Variants in ST6GALNAC3 observed in about 807,000 individuals in gnomAD.
The protein encoded by ST6GALNAC3 is ST6 N-acetylgalactosaminide alpha-2,6-sialyltransferase 3.
Under a neutral mutation model 32.7 loss-of-function variants are expected in ST6GALNAC3, and 25 were observed. That is an observed-to-expected ratio of 0.76 (90% CI 0.56 to 1.07). The LOEUF (loss-of-function observed/expected upper bound fraction) is 1.07, where lower values mean the gene tolerates loss of function less well. Ranked by LOEUF, ST6GALNAC3 falls within the 50% of genes least tolerant of loss-of-function variation. The pLI is 0.00. For missense variants in ST6GALNAC3, 355 were observed against 382.4 expected (o/e 0.93, Z 0.60); for synonymous variants, 129 against 133.1 (o/e 0.97, Z 0.21).
chr1:76,460,141 C>A (rs1658180788), intron 3 of ST6GALNAC3, among the ~76,000 whole-genome samples: 1 of 151,990 alleles, frequency 6.6e-6, no homozygotes, highest in Non-Finnish European at 1.5e-5. Context: ...TCTTGCCAAC[C>A]CTTGTTATTT....
chr1:76,137,389 C>G (rs1650011467), intron 1 of ST6GALNAC3, among the ~76,000 whole-genome samples: 1 of 152,154 alleles, frequency 6.6e-6, no homozygotes, highest in Non-Finnish European at 1.5e-5. Context: ...TTAATTTGCC[C>G]TAAGTAGACA....
intron 3 of ST6GALNAC3, among the ~76,000 whole-genome samples, chr1:76,442,597 A>G (rs1463996038): frequency 6.6e-6 from 1 of 152,178 alleles, no homozygotes; most frequent in African/African-American, 2.4e-5. Context: ...TTCTCAATCA[A>G]CCAAGAACAC....
At chr1:76,408,861 C>T (rs12033631) in intron 2 of ST6GALNAC3, among the ~76,000 whole-genome samples, 27,430 of 151,904 alleles carry the variant, frequency 0.18, 3,141 homozygotes, top group East Asian at 0.55. Flanking sequence ...GGAATGTAAC[C>T]CCCCGCACCA....
At chr1:76,408,244 A>G (rs1194920263) in intron 2 of ST6GALNAC3, among the ~76,000 whole-genome samples, 1 of 152,042 alleles carries the variant, frequency 6.6e-6, no homozygotes, top group Non-Finnish European at 1.5e-5. Flanking sequence ...AGCAATTATC[A>G]TGTTCATCCA....
chr1:76,077,090 T>G (rs1022890250), intron 1 of ST6GALNAC3, among the ~76,000 whole-genome samples: 4 of 152,202 alleles, frequency 2.6e-5, no homozygotes, highest in African/African-American at 4.8e-5. Context: ...CATGGAGCAG[T>G]GCAGAATACA....
chr1:76,391,057 A>G (rs1652503567), intron 2 of ST6GALNAC3, among the ~76,000 whole-genome samples: 1 of 150,950 alleles, frequency 6.6e-6, no homozygotes, highest in Admixed American at 6.6e-5. Context: ...CTCCTGCCTC[A>G]GCCTCCCGAG....
chr1:76,548,562 G>T (rs188655780), intron 3 of ST6GALNAC3, among the ~76,000 whole-genome samples: 10 of 152,220 alleles, frequency 6.6e-5, no homozygotes, highest in African/African-American at 2.4e-4. Context: ...TCTTTCTTAC[G>T]TGAGGCGTTG....
At chr1:76,388,129 A>T (rs1410310194) in intron 2 of ST6GALNAC3, among the ~76,000 whole-genome samples, 1 of 152,128 alleles carries the variant, frequency 6.6e-6, no homozygotes, top group Non-Finnish European at 1.5e-5. Flanking sequence ...TAAAAAAAAA[A>T]ATGTCATGGG....
At chr1:76,116,444 T>TTAC (rs1648483361) in intron 1 of ST6GALNAC3, among the ~76,000 whole-genome samples, 2 of 152,124 alleles carry the variant, frequency 1.3e-5, no homozygotes, top group Non-Finnish European at 2.9e-5. Context: ...AGCTCCATGG[T>TTAC]TACCATGGAG....
chr1:76,404,177 C>T (rs1653641103), intron 2 of ST6GALNAC3, among the ~76,000 whole-genome samples: 1 of 152,062 alleles, frequency 6.6e-6, no homozygotes, highest in African/African-American at 2.4e-5. Context: ...AATGCCACAT[C>T]CCAAATCCAC....
intron 1 of ST6GALNAC3, among the ~76,000 whole-genome samples, chr1:76,159,154 T>G (rs750232609): frequency 6.6e-6 from 1 of 152,098 alleles, no homozygotes; most frequent in Admixed American, 6.5e-5. Context: ...GGGAGTTAAG[T>G]TGGGAATGTT....
At chr1:76,526,753 C>T (rs1476851772) in intron 3 of ST6GALNAC3, among the ~76,000 whole-genome samples, 3 of 152,046 alleles carry the variant, frequency 2.0e-5, no homozygotes, top group Non-Finnish European at 2.9e-5. Flanking sequence ...GCAATTTAAA[C>T]GCTTTAAAAA....
At chr1:76,121,703 C>T (rs1349600522) in intron 1 of ST6GALNAC3, among the ~76,000 whole-genome samples, 2 of 152,034 alleles carry the variant, frequency 1.3e-5, no homozygotes, top group East Asian at 3.9e-4. Flanking sequence ...GCAACAGAGC[C>T]AGACTCCATC....
chr1:76,262,539 A>G (rs1231846185), intron 1 of ST6GALNAC3, among the ~76,000 whole-genome samples: 2 of 152,238 alleles, frequency 1.3e-5, no homozygotes, highest in African/African-American at 4.8e-5. Flanking sequence ...AGTAAGTGCT[A>G]TGATGAAAAT....
intron 2 of ST6GALNAC3, among the ~76,000 whole-genome samples, chr1:76,388,696 G>A (rs1008050993): frequency 1.9e-4 from 29 of 152,132 alleles, no homozygotes; most frequent in African/African-American, 7.0e-4. Context: ...TGATTGCAAG[G>A]AAATAGGCTC....
chr1:76,364,907 A>G (rs1408315053), intron 2 of ST6GALNAC3, among the ~76,000 whole-genome samples: 2 of 152,238 alleles, frequency 1.3e-5, no homozygotes, highest in African/African-American at 4.8e-5. Flanking sequence ...GCACTATGGA[A>G]AGCAATTTGG....
intron 1 of ST6GALNAC3, among the ~76,000 whole-genome samples, chr1:76,082,548 C>T (rs1461283515): frequency 2.0e-5 from 3 of 152,198 alleles, no homozygotes; most frequent in South Asian, 2.1e-4. Flanking sequence ...GGATTATCTG[C>T]GCTTTCTCTA....
chr1:76,285,762 T>C (rs1239549716), intron 1 of ST6GALNAC3, among the ~76,000 whole-genome samples: 2 of 151,654 alleles, frequency 1.3e-5, no homozygotes, highest in African/African-American at 2.4e-5. Flanking sequence ...TGCAGAGAGA[T>C]TGGCAGAGAG....
At chr1:76,581,805 G>T (rs773657388) in intron 3 of ST6GALNAC3, among the ~76,000 whole-genome samples, 8 of 152,068 alleles carry the variant, frequency 5.3e-5, no homozygotes, top group Non-Finnish European at 8.8e-5. Flanking sequence ...AATATATTGG[G>T]TGTAAATCTG....
Sources: gnomAD v4.1 joint callset for allele counts (sites outside exome capture counted in the v4.1 genomes callset) on GRCh38, gnomAD v4.1.1 for gene constraint, MANE v1.5 for transcripts, NCBI Gene and HGNC (gene_info 2026-07-23, HGNC 2026-07-21) for gene names.